Variants in PRIMA1 observed in about 807,000 individuals in gnomAD.
PRIMA1 encodes proline rich membrane anchor 1.
In PRIMA1, 7 loss-of-function variants were observed where a neutral mutation model predicts 17.5. The observed-to-expected ratio is 0.40, with a 90% confidence interval of 0.23 to 0.75. PRIMA1 has a LOEUF of 0.75. Among genes scored for constraint, PRIMA1 ranks in the 30% least tolerant of loss-of-function variants. The probability of loss-of-function intolerance (pLI) is 0.37; values close to 1 mark genes in which losing one functional copy is unlikely to be tolerated. For synonymous variants in PRIMA1, 97 were observed against 77.9 expected (o/e 1.25, Z -1.29); for missense variants, 200 against 201.8 (o/e 0.99, Z 0.05).
At chr14:93,775,180 G>A (rs1885177832) in intron 3 of PRIMA1, among the ~76,000 whole-genome samples, 1 of 152,252 alleles carries the variant, frequency 6.6e-6, no homozygotes, top group Non-Finnish European at 1.5e-5. Context: ...AAGGACATCA[G>A]ATGAGCAAAT....
At chr14:93,751,366 T>C (rs2076258273) in intron 3 of PRIMA1, among the ~76,000 whole-genome samples, 1 of 152,302 alleles carries the variant, frequency 6.6e-6, no homozygotes, top group South Asian at 2.1e-4. Context: ...TTCACTCGGC[T>C]TCCCCCCTGC....
Position 93,783,637 on chromosome 14 carries a change from C to T in PRIMA1, c.93+3989G>A, listed in dbSNP as rs546786175. Among the ~76,000 whole-genome samples the T allele has an allele frequency of 3.3e-5, 5 of 152,330 alleles. No homozygotes were observed. The South Asian group carries it at 1.0e-3, about 32-fold the overall frequency. ...AGAAAAGTCAGTGACTTGCCTAAAG[C>T]CCACAGAACGCAGGCTGGTTTCAGT... On this transcript the variant is annotated intron_variant, in intron 2 of 4. Coordinates refer to ENST00000393140, the MANE Select transcript of PRIMA1 (RefSeq NM_178013.4).
In PRIMA1 at chr14:93,766,786, C is replaced by T. The variant is rs114071656; in HGVS notation, c.229+12390G>A. 2.1e-3 allele frequency among the ~76,000 whole-genome samples: 315 copies of T among 152,316 alleles called. 2 individuals are homozygous for T. The highest frequency in any genetic ancestry group is 7.3e-3 in the African/African-American group (304 of 41,572). On this transcript the variant is annotated intron_variant, in intron 3 of 4. Transcript: ENST00000393140. ...TTTCCCATGAACAGCAAAACCAAAA[C>T]AATCAAAACCAATGACTGGGTTTCA...
intron 2 of PRIMA1, among the ~76,000 whole-genome samples, chr14:93,781,652 T>G (rs780706074): frequency 6.6e-6 from 1 of 152,174 alleles, no homozygotes; most frequent in Non-Finnish European, 1.5e-5. Context: ...AGGGCCAAAT[T>G]TCAAGGCTGC....
Position 93,721,593 on chromosome 14 carries a change from G to A in PRIMA1, c.360-47C>T, listed in dbSNP as rs755585646. 6.0e-6 allele frequency: 7 copies of A among 1,160,328 alleles called. No homozygotes were observed. In the Admixed American group the frequency reaches 1.2e-4, roughly 20 times the overall value. 71.9% of individuals were successfully genotyped at this position (1,160,328 alleles called of 1,614,324 possible). Reference sequence around the variant, plus strand: ...AGGAAAGGCAAAGGAGGGGGAGGCAGGGACACCATTAGTTATCACTGATGG... The same window carrying A: ...AGGAAAGGCAAAGGAGGGGGAGGCAAGGACACCATTAGTTATCACTGATGG... On this transcript the variant is annotated intron_variant, in intron 4 of 4. Transcript: ENST00000393140.
At chr14:93,730,314 A>G (rs539309162) in intron 4 of PRIMA1, among the ~76,000 whole-genome samples, 2 of 152,374 alleles carry the variant, frequency 1.3e-5, no homozygotes, top group South Asian at 4.1e-4. Flanking sequence ...TTGTAAATTC[A>G]GGGACAGCTA....
chr14:93,750,337 T>C (rs2076252579), intron 3 of PRIMA1, among the ~76,000 whole-genome samples: 1 of 152,002 alleles, frequency 6.6e-6, no homozygotes, highest in Non-Finnish European at 1.5e-5. Flanking sequence ...AGCCCAGGAG[T>C]TTGAGGCTGC....
intron 4 of PRIMA1, among the ~76,000 whole-genome samples, chr14:93,731,650 G>A (rs910711962): frequency 6.6e-6 from 1 of 152,114 alleles, no homozygotes; most frequent in Non-Finnish European, 1.5e-5. Context: ...CCATTAACCT[G>A]TATTTTTTTT....
chr14:93,724,247 T>TA (rs1026809014), intron 4 of PRIMA1, among the ~76,000 whole-genome samples: 1 of 152,114 alleles, frequency 6.6e-6, no homozygotes, highest in African/African-American at 2.4e-5. Flanking sequence ...ACCCCCCTCT[T>TA]AGAGATTCTG....
Position 93,774,467 on chromosome 14 carries a change from C to T in PRIMA1, c.229+4709G>A, listed in dbSNP as rs138585822. Among the ~76,000 whole-genome samples, 4 of 152,350 alleles carry T rather than the reference C, an allele frequency of 2.6e-5. No individual in the cohort carries two copies. The East Asian group carries it at 5.8e-4, about 22-fold the overall frequency. ...GCACGAATAGGTGTTTCTCTCTCCC[C>T]TCTTTCTCCCTTTATGCCAGACACA... is the stretch of plus-strand genomic sequence containing the variant. On this transcript the variant is annotated intron_variant, in intron 3 of 4. Coordinates refer to ENST00000393140, the MANE Select transcript of PRIMA1 (RefSeq NM_178013.4).
intron 3 of PRIMA1, among the ~76,000 whole-genome samples, chr14:93,746,633 G>A (rs1485518334): frequency 6.6e-6 from 1 of 152,110 alleles, no homozygotes. Flanking sequence ...TGACCTACAG[G>A]TCAGCACAGT....
In PRIMA1 at chr14:93,726,900, T is replaced by C. The variant is rs2076081380; in HGVS notation, c.360-5354A>G. Among the ~76,000 whole-genome samples the C allele has an allele frequency of 1.3e-5, 2 of 152,118 alleles. No individual in the cohort carries two copies. The highest frequency in any genetic ancestry group is 4.1e-4 in the South Asian group (2 of 4,824). Reference sequence around the variant, plus strand: ...ACATGCATGCACACATACATATGAATACACATATGCATATGCATACCTACA... The same window carrying C: ...ACATGCATGCACACATACATATGAACACACATATGCATATGCATACCTACA... On this transcript the variant is annotated intron_variant, in intron 4 of 4. Transcript: ENST00000393140. The surrounding 1 kb of genome is among the most constrained non-coding windows in gnomAD (Gnocchi z 4.2).
intron 4 of PRIMA1, among the ~76,000 whole-genome samples, chr14:93,723,792 G>C (rs1003513705): frequency 1.1e-4 from 16 of 152,156 alleles, no homozygotes; most frequent in Non-Finnish European, 2.2e-4. Context: ...CTTAGAGAGG[G>C]CTTAATTTGC....
chr14:93,751,742 T>C (rs759225384), intron 3 of PRIMA1, among the ~76,000 whole-genome samples: 3 of 152,190 alleles, frequency 2.0e-5, no homozygotes, highest in African/African-American at 4.8e-5. Flanking sequence ...TGCTGCTCAG[T>C]TGGTCTTTGT....
chr14:93,774,266 A>G (rs1177554823), intron 3 of PRIMA1, among the ~76,000 whole-genome samples: 1 of 152,188 alleles, frequency 6.6e-6, no homozygotes, highest in Non-Finnish European at 1.5e-5. Context: ...CCTGGGGCAC[A>G]GGACCTTCGG....
At chr14:93,762,111 T>C (rs1014792771) in intron 3 of PRIMA1, among the ~76,000 whole-genome samples, 15 of 152,266 alleles carry the variant, frequency 9.9e-5, no homozygotes, top group African/African-American at 3.4e-4. Context: ...AGGAGGCAGC[T>C]TGGGGACACG....
intron 3 of PRIMA1, among the ~76,000 whole-genome samples, chr14:93,753,643 C>T (rs1371744642): frequency 6.6e-6 from 1 of 152,142 alleles, no homozygotes; most frequent in African/African-American, 2.4e-5. Flanking sequence ...CAGAACCTCG[C>T]CATCTTTCCC....
intron 3 of PRIMA1, among the ~76,000 whole-genome samples, chr14:93,744,044 G>A (rs1325834140): frequency 2.0e-5 from 3 of 152,224 alleles, no homozygotes; most frequent in Non-Finnish European, 2.9e-5. Flanking sequence ...TTTGTGTGAT[G>A]CAGAGTCTGT....
At chr14:93,722,319 GTGGTAGTGGTGA>G (rs1286505420) in intron 4 of PRIMA1, among the ~76,000 whole-genome samples, 7 of 6,472 alleles carry the variant, frequency 1.1e-3, no homozygotes, top group African/African-American at 2.4e-3. Flanking sequence ...TGGGGTGGTG[GTGGTAGTGGTGA>G]TGCTGGTGGT....
Sources: gnomAD v4.1 joint callset for allele counts (sites outside exome capture counted in the v4.1 genomes callset) on GRCh38, gnomAD v4.1.1 for gene constraint, Gnocchi (gnomAD v3.1) non-coding constraint, MANE v1.5 for transcripts, NCBI Gene and HGNC (gene_info 2026-07-23, HGNC 2026-07-21) for gene names.